PRDM16: variants seen among roughly 807,000 people sequenced by gnomAD.
The protein encoded by PRDM16 is histone-lysine N-methyltransferase PRDM16.
PRDM16 carries 23 observed loss-of-function variants against 110.6 expected under a neutral mutation model. That is an observed-to-expected ratio of 0.21 (90% confidence interval 0.15 to 0.29). The LOEUF is 0.29. PRDM16 is among the 10% of genes least tolerant of loss of function. The pLI, the probability that PRDM16 is intolerant of heterozygous loss-of-function variation, is 1.00. For synonymous variants in PRDM16, 799 were observed against 781.8 expected (o/e 1.02, Z -0.37); for missense variants, 1,615 against 1,794.3 (o/e 0.90, Z 1.81).
At chr1:3,111,975 C>A (rs1642806791) in intron 1 of PRDM16, among the ~76,000 whole-genome samples, 1 of 152,080 alleles carries the variant, frequency 6.6e-6, no homozygotes, top group Admixed American at 6.6e-5. Context: ...TGGGCCGGCG[C>A]GGCGGCGAGG....
chr1:3,111,883 G>T (rs548667902), intron 1 of PRDM16, among the ~76,000 whole-genome samples: 4 of 152,206 alleles, frequency 2.6e-5, no homozygotes, highest in Non-Finnish European at 5.9e-5. Flanking sequence ...AAGGTGGGCC[G>T]CCTCTGCGCC....
At chr1:3,261,611 C>CA (rs1352188915) in intron 3 of PRDM16, among the ~76,000 whole-genome samples, 1 of 152,156 alleles carries the variant, frequency 6.6e-6, no homozygotes, top group African/African-American at 2.4e-5. Context: ...GACCTGTACA[C>CA]ACGGCATTGC....
At position 3,425,871 on chromosome 1, in the gene PRDM16, A is replaced by T. The variant is rs1638589138; in HGVS notation, c.3109+121A>T. Reference sequence around the variant, plus strand: ...GGAAGAGGGCCACAGACTACCCCTCAGGAAGCCAACAGGCACCCCTCAAAC... The same window carrying T: ...GGAAGAGGGCCACAGACTACCCCTCTGGAAGCCAACAGGCACCCCTCAAAC... On this transcript the variant is annotated intron_variant, in intron 13 of 16. Coordinates refer to ENST00000270722, the MANE Select transcript of PRDM16 (RefSeq NM_022114.4). The surrounding 1 kb of genome is among the most constrained non-coding windows in gnomAD (Gnocchi z 6.9). 1 of 1,348,046 alleles carries T rather than the reference A, an allele frequency of 7.4e-7. No individual in the cohort carries two copies. The highest frequency in any genetic ancestry group is 1.0e-6 in the Non-Finnish European group (1 of 982,588). 83.5% of individuals were successfully genotyped at this position (1,348,046 alleles called of 1,614,324 possible). A position where few individuals can be genotyped will look rare whatever the true frequency, so the allele number is the denominator to read the frequency against.
chr1:3,138,731 G>A (rs199723442), intron 1 of PRDM16, among the ~76,000 whole-genome samples: 1 of 152,208 alleles, frequency 6.6e-6, no homozygotes, highest in African/African-American at 2.4e-5. Flanking sequence ...CAGACCGGTG[G>A]GTGCCAACAC....
intron 6 of PRDM16, among the ~76,000 whole-genome samples, chr1:3,404,247 C>A (rs1484933954): frequency 6.6e-6 from 1 of 152,236 alleles, no homozygotes; most frequent in African/African-American, 2.4e-5. Flanking sequence ...AGCAGCTGTG[C>A]TCGGGTCCCC....
At chr1:3,432,307 G>T (rs981144945) in intron 16 of PRDM16, among the ~76,000 whole-genome samples, 167 bp downstream of exon 16, 1 of 152,166 alleles carries the variant, frequency 6.6e-6, no homozygotes, top group East Asian at 1.9e-4. Flanking sequence ...CCGCCCTCCC[G>T]CAAGCTGGGG....
At chr1:3,263,690 G>A (rs961368120) in intron 3 of PRDM16, among the ~76,000 whole-genome samples, 2 of 152,264 alleles carry the variant, frequency 1.3e-5, no homozygotes, top group African/African-American at 4.8e-5. Context: ...GGCTCCTCCA[G>A]GCCCTCACAG....
chr1:3,087,574 A>G (rs1313043129), intron 1 of PRDM16, among the ~76,000 whole-genome samples: 1 of 151,988 alleles, frequency 6.6e-6, no homozygotes, highest in African/African-American at 2.4e-5. Flanking sequence ...ATAGGAGGAG[A>G]TTGAAACCAA....
chr1:3,271,992 C>G (rs1374454426), intron 3 of PRDM16, among the ~76,000 whole-genome samples: 1 of 152,184 alleles, frequency 6.6e-6, no homozygotes, highest in Non-Finnish European at 1.5e-5. Context: ...TTCTCCCAGC[C>G]ATGAAAGCAC....
intron 2 of PRDM16, among the ~76,000 whole-genome samples, chr1:3,242,409 G>T (rs118047044): frequency 0.027 from 4,147 of 152,216 alleles, 290 homozygotes; most frequent in East Asian, 0.23. Flanking sequence ...TTCTACTCTC[G>T]AGAGCTCCAG....
chr1:3,340,950 G>GCCCCCGTGAGCTGA (rs1553165704), intron 3 of PRDM16, among the ~76,000 whole-genome samples: 4 of 152,156 alleles, frequency 2.6e-5, no homozygotes, highest in African/African-American at 9.7e-5. Context: ...GGGGAGCATG[G>GCCCCCGTGAGCTGA]CCCCCGTGAG....
At chr1:3,409,823 GGTT>G (rs1213571260) in intron 8 of PRDM16, among the ~76,000 whole-genome samples, 8 of 147,768 alleles carry the variant, frequency 5.4e-5, no homozygotes, top group East Asian at 2.0e-4. Context: ...GCATGTGTGT[GGTT>G]GTGTGTGGGT....
intron 12 of PRDM16, among the ~76,000 whole-genome samples, chr1:3,422,534 C>A (rs1288624003): frequency 2.0e-5 from 3 of 152,240 alleles, no homozygotes; most frequent in African/African-American, 7.2e-5. Context: ...TCCAGTGTGT[C>A]CTTTCTCAGC....
chr1:3,279,208 T>C (rs1640656350), intron 3 of PRDM16, among the ~76,000 whole-genome samples: 1 of 152,198 alleles, frequency 6.6e-6, no homozygotes, highest in Non-Finnish European at 1.5e-5. Flanking sequence ...CGGCGGCCTC[T>C]CCTGCCCAGG....
chr1:3,248,780 A>T (rs1212205140), intron 3 of PRDM16, among the ~76,000 whole-genome samples: 2 of 152,230 alleles, frequency 1.3e-5, no homozygotes, highest in African/African-American at 4.8e-5. Flanking sequence ...TGAAATGATT[A>T]TTTGGATGTT....
chr1:3,398,118 TAGAC>T (rs918508480), intron 5 of PRDM16, among the ~76,000 whole-genome samples: 46 of 152,326 alleles, frequency 3.0e-4, no homozygotes, highest in Admixed American at 7.8e-4. Context: ...CTATGAATCT[TAGAC>T]AGCGCACAAG....
At chr1:3,126,339 C>T (rs1054445802) in intron 1 of PRDM16, among the ~76,000 whole-genome samples, 2 of 152,212 alleles carry the variant, frequency 1.3e-5, no homozygotes, top group African/African-American at 4.8e-5. Flanking sequence ...CATCCTCCTC[C>T]CCAGGTCTCT....
chr1:3,155,590 G>A (rs1297599903), intron 1 of PRDM16, among the ~76,000 whole-genome samples: 1 of 152,296 alleles, frequency 6.6e-6, no homozygotes, highest in Non-Finnish European at 1.5e-5. Flanking sequence ...GTCTCACCCG[G>A]AGGAGGGAGG....
rs539912489 is a variant in PRDM16 at position 3,310,254 on chromosome 1, C to T, written c.438+66117C>T. On this transcript the variant is annotated intron_variant, in intron 3 of 16. Transcript: ENST00000270722. ...GTTAATGGAGATGACACCTGCCCGG[C>T]ACACTCTGGGGCCCAAAGGCCGGAT... Among the ~76,000 whole-genome samples the T allele has an allele frequency of 4.6e-5, 7 of 152,308 alleles. No individual in the cohort carries two copies. In the South Asian group the frequency reaches 1.4e-3, roughly 32 times the overall value.
Sources: allele counts gnomAD v4.1 joint callset (sites outside exome capture counted in the v4.1 genomes callset), GRCh38; gene constraint gnomAD v4.1.1; non-coding constraint Gnocchi (gnomAD v3.1); transcripts MANE v1.5; gene names NCBI Gene and HGNC (gene_info 2026-07-23, HGNC 2026-07-21).